GRM1: variants seen among roughly 807,000 people sequenced by gnomAD.
GRM1 encodes glutamate metabotropic receptor 1.
In GRM1, 33 loss-of-function variants were observed where a neutral mutation model predicts 90.9. That is an observed-to-expected ratio of 0.36 (90% CI 0.28 to 0.49). The LOEUF (loss-of-function observed/expected upper bound fraction) is 0.49. Ranked by LOEUF, GRM1 falls within the 20% of genes least tolerant of loss-of-function variation. The pLI, the probability that GRM1 is intolerant of heterozygous loss-of-function variation, is 0.99. For missense variants in GRM1, 1,190 were observed against 1,534.3 expected (o/e 0.78, Z 3.75); for synonymous variants, 700 against 613.2 (o/e 1.14, Z -2.09).
chr6:146,178,498 C>T (rs1562511702), intron 2 of GRM1, among the ~76,000 whole-genome samples: 1 of 152,290 alleles, frequency 6.6e-6, no homozygotes, highest in Admixed American at 6.5e-5. Context: ...GTTTCATATA[C>T]AACTTATACA....
chr6:146,122,188 C>T (rs1387890821), intron 1 of GRM1, among the ~76,000 whole-genome samples: 1 of 152,090 alleles, frequency 6.6e-6, no homozygotes, highest in Non-Finnish European at 1.5e-5. Context: ...AAATCTTTTT[C>T]CACCGGAATT....
intron 2 of GRM1, among the ~76,000 whole-genome samples, chr6:146,188,363 A>G (rs569760815): frequency 6.6e-6 from 1 of 152,258 alleles, no homozygotes; most frequent in Non-Finnish European, 1.5e-5. Flanking sequence ...CTCTTGTAGT[A>G]GCACTCAGGA....
In GRM1 at chr6:146,357,548, T is replaced by G. The variant is rs1785633669; in HGVS notation, c.1456T>G (p.Tyr486Asp). ...TAGGTATGATATCATGAATCTGCAG[T>G]ACACTGAAGCTAATCGCTATGACTA... ...PGRYDIMNLQ[Y>D]TEANRYDYVH... Residue 486 changes from tyrosine (Y) to aspartate (D), a missense_variant, in exon 5 of 8, where the codon TAC (tyrosine) becomes GAC (aspartate). By Grantham distance (160) the Tyr-to-Asp change is radical. Coordinates refer to ENST00000282753, the MANE Select transcript of GRM1 (RefSeq NM_001278064.2). 1 of 1,612,426 alleles carries G rather than the reference T, an allele frequency of 6.2e-7. No individual in the cohort carries two copies. Among genetic ancestry groups the G allele is most frequent in the Non-Finnish European group, 8.5e-7 (1 of 1,178,388 alleles).
chr6:146,051,033 T>C lies in GRM1; in HGVS notation c.700+20816T>C, dbSNP rs556238304. Among the ~76,000 whole-genome samples the C allele has an allele frequency of 1.7e-3, 265 of 152,104 alleles. 1 individual carries two copies. The highest frequency in any genetic ancestry group is 6.1e-3 in the African/African-American group (252 of 41,532). On this transcript the variant is annotated intron_variant, in intron 1 of 7. Coordinates refer to ENST00000282753, the MANE Select transcript of GRM1 (RefSeq NM_001278064.2). Reference sequence around the variant, plus strand: ...ATTTTGGTTCCTCCATTTGTAGTTATAGTTCAAGCAGACACATAATAAAAA... The same window carrying C: ...ATTTTGGTTCCTCCATTTGTAGTTACAGTTCAAGCAGACACATAATAAAAA...
rs558367204 is a variant in GRM1 at position 146,305,187 on chromosome 6, A to G, written c.1186+341A>G. On this transcript the variant is annotated intron_variant, in intron 3 of 7. Transcript: ENST00000282753. ...ACCTTAGCCATAGACATAAGTCAGCAATACTGGTTAGATCCTCTTTTTTCT... is the reference window on the plus strand; with the variant it reads ...ACCTTAGCCATAGACATAAGTCAGCGATACTGGTTAGATCCTCTTTTTTCT... Among the ~76,000 whole-genome samples the G allele has an allele frequency of 5.9e-5, 9 of 152,136 alleles. No individual in the cohort carries two copies. The South Asian group carries it at 1.7e-3, about 28-fold the overall frequency.
chr6:146,327,388 A>G (rs529718297), intron 3 of GRM1, among the ~76,000 whole-genome samples: 9 of 152,252 alleles, frequency 5.9e-5, no homozygotes, highest in African/African-American at 1.9e-4. Context: ...TGAACCCCCA[A>G]TGTCCAAAAG....
At chr6:146,366,892 C>G (rs964169083) in intron 5 of GRM1, among the ~76,000 whole-genome samples, 3 of 152,038 alleles carry the variant, frequency 2.0e-5, no homozygotes, top group African/African-American at 4.8e-5. Context: ...TGTGAAGGAG[C>G]TTTTTAGCTT....
In GRM1 at chr6:146,434,921, GCTGCTGCTGCCGCTA is replaced by G; in HGVS notation, c.*136_*150del. 1 of 813,102 alleles carries G rather than the reference GCTGCTGCTGCCGCTA, an allele frequency of 1.2e-6. No individual in the cohort carries two copies. The highest frequency in any genetic ancestry group is 2.1e-6 in the Non-Finnish European group (1 of 484,916). 50.4% of individuals were successfully genotyped at this position (813,102 alleles called of 1,614,324 possible). A position where few individuals can be genotyped will look rare whatever the true frequency, so the allele number is the denominator to read the frequency against. ...CTCGTCGGGAGGACAGGAGACCGCT[GCTGCTGCTGCCGCTA>G]CTGCTGCTGCTGCCTTAAGTAGGAA... On this transcript the variant is annotated 3_prime_UTR_variant, in exon 8 of 8. Transcript: ENST00000282753.
intron 1 of GRM1, among the ~76,000 whole-genome samples, chr6:146,128,896 C>A (rs918498035): frequency 2.8e-4 from 42 of 152,120 alleles, no homozygotes; most frequent in African/African-American, 9.9e-4. Flanking sequence ...ATTATGAAAT[C>A]AGAGAATGTT....
At position 146,436,252 on chromosome 6, in the gene GRM1, A is replaced by AT. The variant is rs1171715476; in HGVS notation, c.*1461dup. On this transcript the variant is annotated 3_prime_UTR_variant, in exon 8 of 8. Transcript: ENST00000282753. Reference sequence around the variant, plus strand: ...GTTTTCATATGCAGCTCGGATGGACATTTTTCTTCTAAGATGGAACTTATT... The same window carrying AT: ...GTTTTCATATGCAGCTCGGATGGACATTTTTTCTTCTAAGATGGAACTTATT... 8 of 152,294 alleles carry AT rather than the reference A, an allele frequency of 5.3e-5. No individual in the cohort carries two copies. Among genetic ancestry groups the AT allele is most frequent in the African/African-American group, 1.9e-4 (8 of 41,534 alleles). 9.4% of individuals were successfully genotyped at this position (152,294 alleles called of 1,614,324 possible). A position where few individuals can be genotyped will look rare whatever the true frequency, so the allele number is the denominator to read the frequency against.
chr6:146,425,854 C>T (rs1212258466), intron 7 of GRM1, among the ~76,000 whole-genome samples: 1 of 152,190 alleles, frequency 6.6e-6, no homozygotes, highest in Non-Finnish European at 1.5e-5. Context: ...ATGGAAAGGC[C>T]GACTACCCCT....
At chr6:146,101,216 T>C (rs1196272453) in intron 1 of GRM1, among the ~76,000 whole-genome samples, 1 of 152,234 alleles carries the variant, frequency 6.6e-6, no homozygotes, top group African/African-American at 2.4e-5. Context: ...ATTTTTTCTG[T>C]AGTAGCCTTA....
At chr6:146,265,463 C>A (rs993561095) in intron 2 of GRM1, among the ~76,000 whole-genome samples, 1 of 152,128 alleles carries the variant, frequency 6.6e-6, no homozygotes, top group Admixed American at 6.5e-5. Context: ...CAAATATTTT[C>A]TCCCATTCTG....
chr6:146,182,229 T>C (rs1778573819), intron 2 of GRM1, among the ~76,000 whole-genome samples: 1 of 152,186 alleles, frequency 6.6e-6, no homozygotes, highest in Non-Finnish European at 1.5e-5. Flanking sequence ...CAAACAGATT[T>C]ATTTCATTAA....
chr6:146,086,421 C>T (rs544040003), intron 1 of GRM1, among the ~76,000 whole-genome samples: 1 of 152,056 alleles, frequency 6.6e-6, no homozygotes, highest in Non-Finnish European at 1.5e-5. Context: ...CCAGACTACT[C>T]TGTAAGAGAA....
intron 2 of GRM1, among the ~76,000 whole-genome samples, chr6:146,199,944 G>A (rs749638878): frequency 8.5e-5 from 13 of 152,298 alleles, no homozygotes; most frequent in Non-Finnish European, 1.9e-4. Flanking sequence ...TTGAACCTGG[G>A]AGGTGAAGAT....
intron 1 of GRM1, among the ~76,000 whole-genome samples, chr6:146,113,250 G>T (rs1775626482): frequency 6.6e-6 from 1 of 152,154 alleles, no homozygotes; most frequent in African/African-American, 2.4e-5. Context: ...ATCGTAGATT[G>T]AATAGACACT....
chr6:146,327,011 G>T (rs1283048576), intron 3 of GRM1, among the ~76,000 whole-genome samples: 1 of 152,126 alleles, frequency 6.6e-6, no homozygotes, highest in Non-Finnish European at 1.5e-5. Context: ...ATAGAATAGA[G>T]TTTCTATATA....
intron 2 of GRM1, among the ~76,000 whole-genome samples, chr6:146,191,471 C>A (rs945907900): frequency 2.0e-5 from 3 of 152,148 alleles, no homozygotes; most frequent in Non-Finnish European, 2.9e-5. Context: ...TAAGCTGAAG[C>A]CTTTCTCAGC....
Sources: allele counts gnomAD v4.1 joint callset (sites outside exome capture counted in the v4.1 genomes callset), GRCh38; gene constraint gnomAD v4.1.1; transcripts MANE v1.5; gene names NCBI Gene and HGNC (gene_info 2026-07-23, HGNC 2026-07-21).